The following CFAP251 variants were observed in gnomAD, a reference collection of about 807,000 sequenced individuals.
CFAP251 encodes cilia and flagella associated protein 251, also known as cilia- and flagella-associated protein 251.
CFAP251 carries 93 observed loss-of-function variants against 126.7 expected under a neutral mutation model. The observed-to-expected ratio is 0.73, with a 90% CI of 0.62 to 0.87. The LOEUF (loss-of-function observed/expected upper bound fraction) is 0.87, where lower values mean the gene tolerates loss of function less well. CFAP251 is among the 40% of genes least tolerant of loss of function. CFAP251 has a pLI of 0.00. For missense variants in CFAP251, 1,287 were observed against 1,389.2 expected (o/e 0.93, Z 1.17); for synonymous variants, 503 against 506.9 (o/e 0.99, Z 0.10).
chr12:121,919,172 G>A (rs1028795235), intron 1 of CFAP251, among the ~76,000 whole-genome samples: 6 of 150,680 alleles, frequency 4.0e-5, no homozygotes, highest in African/African-American at 1.5e-4. Context: ...TGAATTTGAG[G>A]AGCTGATACA....
At chr12:121,992,872 A>G in intron 19 of CFAP251, among the ~76,000 whole-genome samples, 1 of 152,170 alleles carries the variant, frequency 6.6e-6, no homozygotes, top group East Asian at 1.9e-4. Context: ...ACCCAGCCAA[A>G]TTATAATTTA....
intron 5 of CFAP251, among the ~76,000 whole-genome samples, chr12:121,937,286 C>A (rs1032879151): frequency 6.6e-6 from 1 of 152,134 alleles, no homozygotes; most frequent in African/African-American, 2.4e-5. Context: ...CAATCTCTGC[C>A]GCCATCTTCC....
intron 3 of CFAP251, among the ~76,000 whole-genome samples, chr12:121,926,302 TTCTC>T (rs948020533): frequency 2.6e-5 from 4 of 151,938 alleles, no homozygotes; most frequent in African/African-American, 9.7e-5. Context: ...TTCTTTTTCT[TTCTC>T]TCTTTCTCCT....
intron 20 of CFAP251, among the ~76,000 whole-genome samples, chr12:122,001,240 G>C (rs536329104): frequency 6.6e-6 from 1 of 151,684 alleles, no homozygotes; most frequent in African/African-American, 2.4e-5. Context: ...ATTTTTAGTA[G>C]AGATGGGGTT....
In CFAP251 at chr12:121,942,577, G is replaced by T; in HGVS notation, c.1042G>T (p.Gly348Cys). Residue 348 changes from glycine (G) to cysteine (C), a missense_variant, in exon 6 of 22, where the codon GGC (glycine) becomes TGC (cysteine). Coordinates refer to ENST00000288912, the MANE Select transcript of CFAP251 (RefSeq NM_144668.6). ...ATTTGACAGCTGCCCTGAAGGGAAT[G>T]GCATCATGGCCATGGCCATGACCCA... ...TIFDSCPEGN[G>C]IMAMAMTHDA... 1 of 1,613,888 alleles carries T rather than the reference G, an allele frequency of 6.2e-7. No homozygotes were observed. Among genetic ancestry groups the T allele is most frequent in the Non-Finnish European group, 8.5e-7 (1 of 1,180,000 alleles).
chr12:121,956,980 C>A, intron 10 of CFAP251, 94 bp from the exon 11 acceptor site: 3 of 1,000,696 alleles, frequency 3.0e-6, no homozygotes, highest in African/African-American at 1.7e-5. Flanking sequence ...TTTGCAATGC[C>A]CCAGAATCCA....
intron 5 of CFAP251, among the ~76,000 whole-genome samples, chr12:121,940,549 CA>C (rs1565906629): frequency 6.6e-6 from 1 of 152,042 alleles, no homozygotes; most frequent in Non-Finnish European, 1.5e-5. Flanking sequence ...AACAAACAAA[CA>C]AAAAAGAACC....
intron 7 of CFAP251, chr12:121,948,076 C>T (rs1163468544): frequency 6.6e-6 from 1 of 152,250 alleles, no homozygotes; most frequent in Non-Finnish European, 1.5e-5. Context: ...ATTTCAAACA[C>T]ATACCCCATG....
At chr12:122,002,987 A>G (rs919597233) in intron 21 of CFAP251, among the ~76,000 whole-genome samples, 1 of 151,900 alleles carries the variant, frequency 6.6e-6, no homozygotes, top group South Asian at 2.1e-4. Context: ...AGCTCTCCCT[A>G]CCCCATTCCT....
intron 11 of CFAP251, 69 bp downstream of exon 11, chr12:121,957,337 C>T (rs541148971): frequency 1.4e-6 from 2 of 1,453,254 alleles, no homozygotes; most frequent in African/African-American, 1.4e-5. Context: ...AGTTTGCATA[C>T]AGTGGGAGGT....
intron 19 of CFAP251, among the ~76,000 whole-genome samples, chr12:121,978,927 G>A (rs1012823096): frequency 6.6e-6 from 1 of 152,156 alleles, no homozygotes; most frequent in East Asian, 1.9e-4. Flanking sequence ...ATATGAAATT[G>A]CAGACCCTAT....
chr12:121,934,273 C>T lies in CFAP251; in HGVS notation c.915C>T (p.Leu305=), dbSNP rs773989004. ...GCCACGCCAATATTATCTCCTGCCT[C>T]TGCGTCAGTGAAGACAGGCGGTGGA... ...LQGHANIISC[L]CVSEDRRWIA... The change falls in exon 5 of 22, where the codon CTC becomes CTT. Residue 305 remains leucine, a synonymous_variant. Transcript: ENST00000288912. 2 of 1,613,918 alleles carry T rather than the reference C, an allele frequency of 1.2e-6. No individual in the cohort carries two copies. The highest frequency in any genetic ancestry group is 1.7e-6 in the Non-Finnish European group (2 of 1,180,002).
rs1173023114 is a variant in CFAP251 at position 121,988,734 on chromosome 12, TTCTTTTTTTTC to T, written c.3007-10971_3007-10961del. 4.7e-4 allele frequency among the ~76,000 whole-genome samples: 72 copies of T among 151,742 alleles called. 1 individual carries two copies. In the South Asian group the frequency reaches 5.0e-3, roughly 11 times the overall value. On this transcript the variant is annotated intron_variant, in intron 19 of 21. Transcript: ENST00000288912. ...TTTTTTGTTGTTGTTGGATTTTTTT[TTCTTTTTTTTC>T]TCTTTTTTTTTTTTTTGAGATGAAA...
intron 17 of CFAP251, among the ~76,000 whole-genome samples, chr12:121,973,509 G>A (rs1210865708): frequency 7.9e-5 from 12 of 152,138 alleles, no homozygotes; most frequent in Non-Finnish European, 1.8e-4. Context: ...TAGATCCACT[G>A]ACAGCTTGCA....
chr12:121,944,048 C>T (rs1280469411), intron 7 of CFAP251, among the ~76,000 whole-genome samples: 19 of 152,140 alleles, frequency 1.2e-4, no homozygotes, highest in Admixed American at 1.2e-3. Context: ...CATGAGGTGA[C>T]TTGCCAAGGA....
intron 21 of CFAP251, among the ~76,000 whole-genome samples, chr12:122,003,236 G>C (rs982395888): frequency 6.6e-6 from 1 of 152,094 alleles, no homozygotes; most frequent in Non-Finnish European, 1.5e-5. Flanking sequence ...TCTTGTTTTT[G>C]TTTAGTAGCA....
intron 8 of CFAP251, chr12:121,949,464 G>A (rs994679141): frequency 6.7e-6 from 1 of 150,050 alleles, no homozygotes; most frequent in African/African-American, 2.5e-5. Context: ...GCCACACCTG[G>A]CTCTAAAATA....
Position 121,994,930 on chromosome 12 carries a change from T to C in CFAP251, c.3007-4786T>C, listed in dbSNP as rs74980725. Among the ~76,000 whole-genome samples the C allele has an allele frequency of 2.0e-3, 285 of 142,866 alleles. 4 individuals are homozygous for C. In the East Asian group the frequency reaches 0.038, roughly 19 times the overall value. The allele number at this position is 142,866 out of a possible 152,430, so 93.7% of individuals were successfully genotyped here. On this transcript the variant is annotated intron_variant, in intron 19 of 21. Coordinates refer to ENST00000288912, the MANE Select transcript of CFAP251 (RefSeq NM_144668.6). ...CATGACCCTGCCAAATCCCCCTCTG[T>C]GAGAAACACCCAAGAATTATCAATA... is the stretch of plus-strand genomic sequence containing the variant.
intron 17 of CFAP251, chr12:121,969,488 A>G: frequency 3.0e-6 from 3 of 985,060 alleles, no homozygotes; most frequent in Non-Finnish European, 3.6e-6. Context: ...CTTCCCTTCT[A>G]TTTGTTGTTG....
Sources: gnomAD v4.1 joint callset for allele counts (sites outside exome capture counted in the v4.1 genomes callset) on GRCh38, gnomAD v4.1.1 for gene constraint, MANE v1.5 for transcripts, NCBI Gene and HGNC (gene_info 2026-07-23, HGNC 2026-07-21) for gene names.